Variants in TMC1 observed in about 807,000 individuals in gnomAD.
TMC1 encodes the protein transmembrane channel like 1.
TMC1 carries 84 observed loss-of-function variants against 105.8 expected under a neutral mutation model. That is an observed-to-expected ratio of 0.79 (90% CI 0.67 to 0.95). The LOEUF is 0.95. Among genes scored for constraint, TMC1 ranks in the 40% least tolerant of loss-of-function variants. The probability of loss-of-function intolerance (pLI) is 0.00; values close to 1 mark genes in which losing one functional copy is unlikely to be tolerated. For missense variants in TMC1, 817 were observed against 914.1 expected, an observed-to-expected ratio of 0.89 and a Z score of 1.37; for synonymous variants, 315 against 311.5, an observed-to-expected ratio of 1.01 and a Z score of -0.12.
chr9:72,818,397 CAT>C (rs1431440959), intron 19 of TMC1, among the ~76,000 whole-genome samples: 5 of 152,152 alleles, frequency 3.3e-5, no homozygotes, highest in African/African-American at 9.7e-5. Flanking sequence ...TTGAAATACA[CAT>C]GATAGTTTCT....
intron 1 of TMC1, among the ~76,000 whole-genome samples, chr9:72,570,212 G>C (rs929635821): frequency 6.7e-6 from 1 of 149,646 alleles, no homozygotes; most frequent in Non-Finnish European, 1.5e-5. Flanking sequence ...CTTTGAAAGG[G>C]GGTGGGGCTC....
At chr9:72,800,684 C>T (rs1437117038) in intron 17 of TMC1, among the ~76,000 whole-genome samples, 2 of 136,436 alleles carry the variant, frequency 1.5e-5, no homozygotes, top group African/African-American at 5.1e-5. Context: ...ATTTTCCTTG[C>T]TTCATCATAT....
At chr9:72,797,011 C>A (rs1828382811) in intron 17 of TMC1, among the ~76,000 whole-genome samples, 1 of 152,110 alleles carries the variant, frequency 6.6e-6, no homozygotes, top group South Asian at 2.1e-4. Flanking sequence ...AGCGGATAAG[C>A]AACTTCAGCA....
chr9:72,623,620 T>C (rs1042879918), intron 3 of TMC1, among the ~76,000 whole-genome samples: 1 of 152,144 alleles, frequency 6.6e-6, no homozygotes, highest in Non-Finnish European at 1.5e-5. Context: ...TCGATCATAT[T>C]TCTATTCTTT....
At chr9:72,627,693 G>A (rs923260616) in intron 3 of TMC1, among the ~76,000 whole-genome samples, 8 of 152,058 alleles carry the variant, frequency 5.3e-5, no homozygotes, top group African/African-American at 1.4e-4. Context: ...AGACAGAAAC[G>A]CAATTAACAG....
In TMC1 at chr9:72,816,170, G is replaced by A. The variant is rs1365841589; in HGVS notation, c.1723G>A (p.Gly575Ser). 2 of 1,613,422 alleles carry A rather than the reference G, an allele frequency of 1.2e-6. No homozygotes were observed. The highest frequency in any genetic ancestry group is 1.7e-6 in the Non-Finnish European group (2 of 1,179,588). The change falls in exon 19 of 24, where the codon GGC (glycine) becomes AGC (serine). Residue 575 changes from glycine to serine, a missense_variant. Physicochemically the swap from Gly to Ser is moderately conservative, Grantham distance 56 (BLOSUM62 0). Transcript: ENST00000297784. ...TTCATACACCGAATTCGACATCAGT[G>A]GCAACGTCCTCGCTCTGATCTTCAA... ...YPSYTEFDIS[G>S]NVLALIFNQG...
chr9:72,755,880 T>C (rs1314233195), intron 12 of TMC1, among the ~76,000 whole-genome samples: 4 of 152,178 alleles, frequency 2.6e-5, no homozygotes, highest in Admixed American at 2.6e-4. Flanking sequence ...AAAGAAGAGA[T>C]CAGGTCTGCT....
chr9:72,675,213 G>C (rs1390690559), intron 5 of TMC1, among the ~76,000 whole-genome samples: 1 of 152,126 alleles, frequency 6.6e-6, no homozygotes, highest in Non-Finnish European at 1.5e-5. Flanking sequence ...CCAGAAGTGA[G>C]GGTCTATTCT....
chr9:72,571,151 C>T (rs1226328027), intron 1 of TMC1, among the ~76,000 whole-genome samples: 4 of 150,634 alleles, frequency 2.7e-5, no homozygotes, highest in African/African-American at 4.9e-5. Context: ...GGTGAAATCC[C>T]GCCTCTACAA....
chr9:72,828,046 A>G (rs1219361276), intron 21 of TMC1, among the ~76,000 whole-genome samples: 1 of 152,198 alleles, frequency 6.6e-6, no homozygotes, highest in African/African-American at 2.4e-5. Flanking sequence ...GACAAGAGAG[A>G]GAGTAAAATG....
chr9:72,791,916 T>C lies in TMC1; in HGVS notation c.1255T>C (p.Phe419Leu). 5 of 1,613,410 alleles carry C rather than the reference T, an allele frequency of 3.1e-6. No homozygotes were observed. The highest frequency in any genetic ancestry group is 4.2e-6 in the Non-Finnish European group (5 of 1,179,942). ...MNMVMSLLGM[F>L]CPTLFDLFAE... Reference sequence around the variant, plus strand: ...CATGGTTATGTCCCTCCTAGGGATGTTCTGTCCAACATTGTTTGACTTATT... The same window carrying C: ...CATGGTTATGTCCCTCCTAGGGATGCTCTGTCCAACATTGTTTGACTTATT... The change falls in exon 16 of 24, where the codon TTC becomes CTC. Residue 419 changes from phenylalanine (F) to leucine (L), a missense_variant. By Grantham distance (22) the Phe-to-Leu change is conservative. Transcript: ENST00000297784.
intron 13 of TMC1, among the ~76,000 whole-genome samples, chr9:72,778,931 T>C (rs752815004): frequency 1.3e-5 from 2 of 152,156 alleles, no homozygotes; most frequent in Non-Finnish European, 2.9e-5. Flanking sequence ...CCCCCTCTGC[T>C]TTGCCAACAC....
At chr9:72,680,479 A>G (rs939373532) in intron 5 of TMC1, among the ~76,000 whole-genome samples, 5 of 151,990 alleles carry the variant, frequency 3.3e-5, no homozygotes, top group African/African-American at 7.2e-5. Flanking sequence ...TAAAAAGCAG[A>G]AAAAAAATGG....
At chr9:72,681,429 G>C in intron 5 of TMC1, among the ~76,000 whole-genome samples, 1 of 151,960 alleles carries the variant, frequency 6.6e-6, no homozygotes, top group East Asian at 1.9e-4. Context: ...AAACCACATA[G>C]AGTAAGAGCT....
rs533730664 is a variant in TMC1 at position 72,780,292 on chromosome 9, A to T, written c.884+7737A>T. 1.1e-3 allele frequency among the ~76,000 whole-genome samples: 171 copies of T among 152,296 alleles called. 1 individual carries two copies. Among genetic ancestry groups the T allele is most frequent in the African/African-American group, 3.9e-3 (164 of 41,578 alleles). ...ACATGGAAATAAAAAACTGTTACCA[A>T]CTACCACAAAAACACACATAAGTAC... On this transcript the variant is annotated intron_variant, in intron 13 of 23. Transcript: ENST00000297784.
chr9:72,679,875 T>A (rs536024212), intron 5 of TMC1, among the ~76,000 whole-genome samples: 14 of 151,978 alleles, frequency 9.2e-5, no homozygotes, highest in Non-Finnish European at 1.6e-4. Context: ...TTCACAGAGG[T>A]CTTATCAGAT....
intron 2 of TMC1, among the ~76,000 whole-genome samples, chr9:72,600,390 C>A (rs115491142): frequency 0.042 from 6,440 of 152,258 alleles, 203 homozygotes; most frequent in Middle Eastern, 0.095. Context: ...ACAGGTAAGA[C>A]TGGTGAATAC....
At chr9:72,591,527 G>A (rs1397336403) in intron 2 of TMC1, among the ~76,000 whole-genome samples, 1 of 152,180 alleles carries the variant, frequency 6.6e-6, no homozygotes, top group Non-Finnish European at 1.5e-5. Flanking sequence ...TGAAGCAGTG[G>A]TTCTCAAACT....
In TMC1 at chr9:72,830,438, CTTTT is replaced by C; in HGVS notation, c.2130-11_2130-8del. 1 of 1,594,622 alleles carries C rather than the reference CTTTT, an allele frequency of 6.3e-7. No homozygotes were observed. The highest frequency in any genetic ancestry group is 8.6e-7 in the Non-Finnish European group (1 of 1,164,638). ...ATATACCTTACACTGTATTTTTTTT[CTTTT>C]TAATTTAGTTTGGCCATCTATTATC... is the stretch of plus-strand genomic sequence containing the variant. On this transcript the variant is annotated splice_polypyrimidine_tract_variant and intron_variant, in intron 21 of 23. Coordinates refer to ENST00000297784, the MANE Select transcript of TMC1 (RefSeq NM_138691.3).
Sources: gnomAD v4.1 joint callset for allele counts (sites outside exome capture counted in the v4.1 genomes callset) on GRCh38, gnomAD v4.1.1 for gene constraint, MANE v1.5 for transcripts, NCBI Gene and HGNC (gene_info 2026-07-23, HGNC 2026-07-21) for gene names.